Variants in OVCH2 observed in about 807,000 individuals in gnomAD.
OVCH2 encodes the protein ovochymase 2.
Under a neutral mutation model 73.7 loss-of-function variants are expected in OVCH2, and 88 were observed. The ratio of observed to expected loss-of-function variants is 1.19; its 90% CI spans 1.01 to 1.43. OVCH2 has a LOEUF of 1.43. OVCH2 is among the 40% of genes most tolerant of loss of function. The pLI is 0.00. For synonymous variants in OVCH2, 265 were observed against 234.5 expected (o/e 1.13, Z -1.19); for missense variants, 706 against 674.5 (o/e 1.05, Z -0.52).
downstream of OVCH2, among the ~76,000 whole-genome samples, chr11:7,684,843 G>A (rs1426631200): frequency 6.6e-6 from 1 of 152,084 alleles, no homozygotes; most frequent in Non-Finnish European, 1.5e-5. Flanking sequence ...CAGGCACAGA[G>A]AGTCTGGGAA....
chr11:7,687,740 A>G (rs181236780), downstream of OVCH2, among the ~76,000 whole-genome samples: 446 of 152,198 alleles, frequency 2.9e-3, 1 homozygote, highest in Non-Finnish European at 5.1e-3. Flanking sequence ...TAACAAATAT[A>G]CCATTGACTG....
At chr11:7,701,537 G>A in intron 5 of OVCH2, 62 bp from the exon 6 acceptor site, 1 of 1,561,358 alleles carries the variant, frequency 6.4e-7, no homozygotes, top group Non-Finnish European at 8.7e-7. Context: ...AGTTGAAGAT[G>A]CATCATTTGT....
the OVCH2 span, among the ~76,000 whole-genome samples, chr11:7,681,980 A>G: frequency 0.42 from 63,838 of 152,012 alleles, 16,509 homozygotes; most frequent in African/African-American, 0.73. Flanking sequence ...GGGGGCAAAA[A>G]CAGGAGCTTT....
chr11:7,697,855 T>G (rs553791458), intron 8 of OVCH2, among the ~76,000 whole-genome samples: 27 of 152,348 alleles, frequency 1.8e-4, no homozygotes, highest in Middle Eastern at 3.4e-3. Flanking sequence ...TCTTACACTA[T>G]TAAAATATAG....
chr11:7,683,421 G>C, the OVCH2 span, among the ~76,000 whole-genome samples: 2 of 152,036 alleles, frequency 1.3e-5, no homozygotes, highest in Non-Finnish European at 2.9e-5. Context: ...TTGAAAATAC[G>C]TCCAGAATCT....
Position 7,698,746 on chromosome 11 carries a change from C to A in OVCH2, c.925+4G>T, listed in dbSNP as rs769229247. The stretch of plus-strand genomic sequence containing the variant: ...TGATGGAGCAGCCTGCAAGGGATAC[C>A]CACCTCTGGAGCTCTTTCTCCGATT... On this transcript the variant is annotated splice_donor_region_variant and intron_variant, in intron 8 of 15. Coordinates refer to ENST00000533663, the MANE Select transcript of OVCH2 (RefSeq NM_198185.7). 5 of 1,612,112 alleles carry A rather than the reference C, an allele frequency of 3.1e-6. No individual in the cohort carries two copies. The highest frequency in any genetic ancestry group is 4.2e-6 in the Non-Finnish European group (5 of 1,179,244).
Position 7,704,612 on chromosome 11 carries a change from G to T in OVCH2, c.151C>A (p.Arg51Ser), listed in dbSNP as rs762717528. The change falls in exon 2 of 16, where the codon CGC becomes AGC. Residue 51 changes from arginine (R) to serine (S), a missense_variant. By Grantham distance (110) the Arg-to-Ser change is moderately radical. Coordinates refer to ENST00000533663, the MANE Select transcript of OVCH2 (RefSeq NM_198185.7). Reference sequence around the variant, plus strand: ...TCCACTTGGCTTCCTCCAAGAATGCGACTGAAAATGTTAAAATAATTCCAA... The same window carrying T: ...TCCACTTGGCTTCCTCCAAGAATGCTACTGAAAATGTTAAAATAATTCCAA... Reference protein sequence around the residue: ...QPWNYFNIFSRILGGSQVEKG... With the variant: ...QPWNYFNIFSSILGGSQVEKG... The T allele has an allele frequency of 1.9e-6, 3 of 1,612,716 alleles. No homozygotes were observed. The highest frequency in any genetic ancestry group is 1.7e-4 in the Middle Eastern group (1 of 6,058).
chr11:7,681,867 A>AAG, the OVCH2 span, among the ~76,000 whole-genome samples: 4 of 151,558 alleles, frequency 2.6e-5, no homozygotes, highest in Non-Finnish European at 5.9e-5. Flanking sequence ...AAAAAAAAAA[A>AAG]AAAAAGAAAA....
chr11:7,693,186 G>T (rs1403938249), intron 12 of OVCH2, among the ~76,000 whole-genome samples: 3 of 152,160 alleles, frequency 2.0e-5, no homozygotes. Context: ...ACAGTTGATG[G>T]GGATTCAATG....
At chr11:7,690,077 A>G in intron 14 of OVCH2, 64 bp from the exon 15 acceptor site, 2 of 1,173,176 alleles carry the variant, frequency 1.7e-6, no homozygotes, top group Non-Finnish European at 2.4e-6. Context: ...GAGATTTATC[A>G]GAAAATGATT....
At chr11:7,692,554 G>A (rs1005472605) in intron 12 of OVCH2, among the ~76,000 whole-genome samples, 1 of 152,190 alleles carries the variant, frequency 6.6e-6, no homozygotes. Flanking sequence ...AGGCACAGAT[G>A]TAAGTGAGTC....
chr11:7,689,271 G>A (rs1423242645), downstream of OVCH2, among the ~76,000 whole-genome samples: 1 of 152,238 alleles, frequency 6.6e-6, no homozygotes, highest in Admixed American at 6.5e-5. Flanking sequence ...TTCTGCCTGT[G>A]AGGAACAACT....
intron 8 of OVCH2, 102 bp from the exon 9 acceptor site, chr11:7,696,901 G>C (rs1040330892): frequency 1.9e-6 from 2 of 1,057,100 alleles, no homozygotes; most frequent in East Asian, 2.6e-5. Context: ...GGTTCTTCTT[G>C]ATGTACTCTT....
At chr11:7,683,986 G>T in the OVCH2 span, among the ~76,000 whole-genome samples, 2 of 149,568 alleles carry the variant, frequency 1.3e-5, no homozygotes, top group Non-Finnish European at 3.0e-5. Context: ...ATCATTTATT[G>T]CCATCTGGCA....
intron 4 of OVCH2, 49 bp from the exon 5 acceptor site, chr11:7,701,860 C>A (rs778343872): frequency 6.9e-7 from 1 of 1,455,008 alleles, no homozygotes; most frequent in South Asian, 1.2e-5. Flanking sequence ...GAGGAGAGGA[C>A]ACTATAAGCC....
At chr11:7,689,348 T>C (rs1856176178), downstream of OVCH2, 1 of 215,852 alleles carries the variant, frequency 4.6e-6, no homozygotes, top group South Asian at 7.5e-5. Flanking sequence ...CCTGTAGATT[T>C]ACCTGCTTAG....
chr11:7,683,902 T>C, the OVCH2 span, among the ~76,000 whole-genome samples: 2 of 152,110 alleles, frequency 1.3e-5, no homozygotes, highest in Non-Finnish European at 2.9e-5. Flanking sequence ...TCTCTGACCA[T>C]ACTTTTTTTT....
the OVCH2 span, among the ~76,000 whole-genome samples, chr11:7,684,355 G>A: frequency 1.3e-5 from 2 of 151,894 alleles, no homozygotes; most frequent in African/African-American, 4.8e-5. Flanking sequence ...TGTGAGCCTC[G>A]TCCCTGTGAG....
In OVCH2 at chr11:7,691,401, C is replaced by A. The variant is rs1391476162; in HGVS notation, c.1508-1G>T. ...GGGACATCATAGCCACACAGCCGAG[C>A]TTGTTGAAGGCCAGCCCAGGCATGA... On this transcript the variant is annotated splice_acceptor_variant, in intron 13 of 15. Transcript: ENST00000533663. LOFTEE classifies it high-confidence loss of function. 1 of 1,610,826 alleles carries A rather than the reference C, an allele frequency of 6.2e-7. No individual in the cohort carries two copies. The highest frequency in any genetic ancestry group is 8.5e-7 in the Non-Finnish European group (1 of 1,177,880).
Sources: allele counts gnomAD v4.1 joint callset (sites outside exome capture counted in the v4.1 genomes callset), GRCh38; gene constraint gnomAD v4.1.1; transcripts MANE v1.5; gene names NCBI Gene and HGNC (gene_info 2026-07-23, HGNC 2026-07-21).